The following ST6GALNAC5 variants were observed in gnomAD, a reference collection of about 807,000 sequenced individuals.
ST6GALNAC5 encodes the protein alpha-N-acetylgalactosaminide alpha-2,6-sialyltransferase 5.
In ST6GALNAC5, 27 loss-of-function variants were observed where a neutral mutation model predicts 33.6. The ratio of observed to expected loss-of-function variants is 0.80; its 90% CI spans 0.59 to 1.11. The LOEUF (loss-of-function observed/expected upper bound fraction) is 1.11, where lower values mean the gene tolerates loss of function less well. ST6GALNAC5 is among the 50% of genes least tolerant of loss of function. The probability of loss-of-function intolerance (pLI) is 0.00; values close to 1 mark genes in which losing one functional copy is unlikely to be tolerated. For synonymous variants in ST6GALNAC5, 194 were observed against 171.2 expected (o/e 1.13, Z -1.04); for missense variants, 428 against 454.0 (o/e 0.94, Z 0.52).
At chr1:76,912,049 C>T (rs1040529117) in intron 2 of ST6GALNAC5, among the ~76,000 whole-genome samples, 2 of 152,012 alleles carry the variant, frequency 1.3e-5, no homozygotes, top group African/African-American at 2.4e-5. Flanking sequence ...CCTGCTTTCT[C>T]TTGTGGGCAG....
intron 2 of ST6GALNAC5, among the ~76,000 whole-genome samples, chr1:76,914,482 C>T (rs1024115601): frequency 1.3e-5 from 2 of 152,090 alleles, no homozygotes; most frequent in South Asian, 2.1e-4. Context: ...GGTACTGGTA[C>T]CAAAACAGAG....
chr1:77,026,177 T>A (rs1429688375), intron 2 of ST6GALNAC5, among the ~76,000 whole-genome samples: 2 of 151,326 alleles, frequency 1.3e-5, no homozygotes, highest in Admixed American at 1.3e-4. Context: ...ATCTTTGACC[T>A]GTCTGCTGCC....
In ST6GALNAC5 at chr1:77,063,474, C is replaced by G. The variant is rs1479398336; in HGVS notation, c.*268C>G. 3 of 447,584 alleles carry G rather than the reference C, an allele frequency of 6.7e-6. No individual in the cohort carries two copies. In the East Asian group the frequency reaches 1.2e-4, roughly 17 times the overall value. 27.7% of individuals were successfully genotyped at this position (447,584 alleles called of 1,614,324 possible). A position where few individuals can be genotyped will look rare whatever the true frequency, so the allele number is the denominator to read the frequency against. ...ATTCAATTCAGTTACACCACTATGA[C>G]TAAAAACAGTTTGGATCTCTTAGTA... On this transcript the variant is annotated 3_prime_UTR_variant, in exon 5 of 5. Transcript: ENST00000477717.
intron 2 of ST6GALNAC5, among the ~76,000 whole-genome samples, chr1:76,985,008 C>A (rs1167966549): frequency 2.0e-5 from 3 of 152,038 alleles, no homozygotes; most frequent in Admixed American, 1.3e-4. Flanking sequence ...ATTGATGGAA[C>A]GTATCTCAAA....
intron 2 of ST6GALNAC5, among the ~76,000 whole-genome samples, chr1:76,919,239 C>T (rs1647007608): frequency 6.6e-6 from 1 of 152,114 alleles, no homozygotes; most frequent in Non-Finnish European, 1.5e-5. Context: ...AGGGAAAATG[C>T]CTCAGCCTGG....
At chr1:77,028,469 A>G (rs1466574900) in intron 2 of ST6GALNAC5, among the ~76,000 whole-genome samples, 1 of 152,032 alleles carries the variant, frequency 6.6e-6, no homozygotes, top group African/African-American at 2.4e-5. Context: ...GAACGAATGG[A>G]AAGCCGAAAC....
chr1:77,019,210 T>C (rs1227663229), intron 2 of ST6GALNAC5, among the ~76,000 whole-genome samples: 1 of 152,174 alleles, frequency 6.6e-6, no homozygotes, highest in Non-Finnish European at 1.5e-5. Flanking sequence ...CACTGCTTGC[T>C]GGTATGGAAC....
At chr1:77,049,831 T>C (rs1375192574) in intron 3 of ST6GALNAC5, among the ~76,000 whole-genome samples, 3 of 152,186 alleles carry the variant, frequency 2.0e-5, no homozygotes, top group African/African-American at 7.2e-5. Flanking sequence ...CATGTGAATG[T>C]TTATTTATAT....
chr1:77,027,433 A>G (rs545165751), intron 2 of ST6GALNAC5, among the ~76,000 whole-genome samples: 5 of 152,304 alleles, frequency 3.3e-5, no homozygotes, highest in Admixed American at 1.3e-4. Flanking sequence ...CTCTGTAAAT[A>G]AGACAACATC....
chr1:77,012,601 CCT>C (rs1650675254), intron 2 of ST6GALNAC5, among the ~76,000 whole-genome samples: 3 of 152,122 alleles, frequency 2.0e-5, no homozygotes, highest in Non-Finnish European at 4.4e-5. Flanking sequence ...ATCGACTGAT[CCT>C]TCTCTTGGTG....
At chr1:77,061,234 G>A (rs963584870) in intron 4 of ST6GALNAC5, among the ~76,000 whole-genome samples, 2 of 152,104 alleles carry the variant, frequency 1.3e-5, no homozygotes, top group African/African-American at 4.8e-5. Flanking sequence ...ATCCAAACCA[G>A]GATAAGGAAT....
At chr1:76,997,532 C>T (rs532914422) in intron 2 of ST6GALNAC5, among the ~76,000 whole-genome samples, 3 of 152,248 alleles carry the variant, frequency 2.0e-5, no homozygotes, top group South Asian at 2.1e-4. Context: ...TTTTAATAGA[C>T]GAGCCCTCAT....
chr1:76,959,954 G>A (rs973400274), intron 2 of ST6GALNAC5, among the ~76,000 whole-genome samples: 3 of 152,162 alleles, frequency 2.0e-5, no homozygotes, highest in African/African-American at 7.2e-5. Context: ...AGACGGATAA[G>A]AAAAGAAAGA....
intron 2 of ST6GALNAC5, among the ~76,000 whole-genome samples, chr1:76,970,972 T>C (rs892121173): frequency 6.6e-6 from 1 of 152,180 alleles, no homozygotes; most frequent in African/African-American, 2.4e-5. Flanking sequence ...AAAACCACTT[T>C]TATTTCTTGT....
At chr1:76,931,379 C>T (rs768925272) in intron 2 of ST6GALNAC5, among the ~76,000 whole-genome samples, 2 of 152,072 alleles carry the variant, frequency 1.3e-5, no homozygotes, top group African/African-American at 4.8e-5. Context: ...TTTTAAGCTG[C>T]TAGTTTGTGG....
At chr1:76,913,244 G>C (rs1253055107) in intron 2 of ST6GALNAC5, among the ~76,000 whole-genome samples, 6 of 151,570 alleles carry the variant, frequency 4.0e-5, no homozygotes, top group Non-Finnish European at 8.8e-5. Flanking sequence ...TTGAATATTG[G>C]CCCCCACTCT....
chr1:76,905,273 C>T (rs986199724), intron 2 of ST6GALNAC5, among the ~76,000 whole-genome samples: 1 of 152,112 alleles, frequency 6.6e-6, no homozygotes, highest in South Asian at 2.1e-4. Context: ...AGTTACGGGG[C>T]TATTATTTCC....
chr1:76,921,168 C>A (rs1040124376), intron 2 of ST6GALNAC5, among the ~76,000 whole-genome samples: 1 of 152,046 alleles, frequency 6.6e-6, no homozygotes. Context: ...ACAAATGTGG[C>A]ATGGCCGCAG....
chr1:77,054,826 TACCCCCTAAAAGTATTAAGCCCATGGAC>T (rs890467378), intron 4 of ST6GALNAC5, among the ~76,000 whole-genome samples: 1 of 152,066 alleles, frequency 6.6e-6, no homozygotes, highest in African/African-American at 2.4e-5. Context: ...AAACTAATTG[TACCCCCTAAAAGTATTAAGCCCATGGAC>T]TTCTTAGGAA....
Sources: allele counts gnomAD v4.1 joint callset (sites outside exome capture counted in the v4.1 genomes callset), GRCh38; gene constraint gnomAD v4.1.1; transcripts MANE v1.5; gene names NCBI Gene and HGNC (gene_info 2026-07-23, HGNC 2026-07-21).